The following ADGRB3 variants were observed in gnomAD, a reference collection of about 807,000 sequenced individuals.
ADGRB3 encodes adhesion G protein-coupled receptor B3, also known as brain-specific angiogenesis inhibitor 3.
A neutral mutation model predicts 193.4 loss-of-function variants in ADGRB3; 37 were observed. That is an observed-to-expected ratio of 0.19 (90% CI 0.15 to 0.25). ADGRB3 has a LOEUF of 0.25. ADGRB3 is among the 10% of genes least tolerant of loss of function. The pLI, the probability that ADGRB3 is intolerant of heterozygous loss-of-function variation, is 1.00. For synonymous variants in ADGRB3, 690 were observed against 644.2 expected (o/e 1.07, Z -1.08); for missense variants, 1,637 against 1,852.9 (o/e 0.88, Z 2.14).
intron 17 of ADGRB3, among the ~76,000 whole-genome samples, chr6:69,114,933 A>T (rs981754690): frequency 2.6e-5 from 4 of 152,218 alleles, no homozygotes; most frequent in African/African-American, 9.6e-5. Flanking sequence ...ATCATTAAAA[A>T]GTCAAGAAAC....
chr6:69,348,553 C>T (rs990309549), intron 26 of ADGRB3, among the ~76,000 whole-genome samples: 4 of 150,618 alleles, frequency 2.7e-5, no homozygotes, highest in Non-Finnish European at 5.9e-5. Flanking sequence ...GTCCCAGCTA[C>T]TCATGAGGCT....
chr6:68,690,963 C>A (rs1379915221), intron 3 of ADGRB3, among the ~76,000 whole-genome samples: 2 of 152,036 alleles, frequency 1.3e-5, no homozygotes, highest in East Asian at 3.8e-4. Flanking sequence ...TTCATTAAAT[C>A]GGGCCAGTAT....
chr6:68,779,349 T>G (rs186189936), intron 3 of ADGRB3, among the ~76,000 whole-genome samples: 1 of 151,110 alleles, frequency 6.6e-6, no homozygotes, highest in Non-Finnish European at 1.5e-5. Flanking sequence ...TCCCCCCTCA[T>G]TCTCCCCACA....
At chr6:68,779,919 T>C (rs9454617) in intron 3 of ADGRB3, among the ~76,000 whole-genome samples, 25,963 of 152,108 alleles carry the variant, frequency 0.17, 2,703 homozygotes, top group African/African-American at 0.29. Context: ...GAAACACTTT[T>C]TTTATCCTAC....
At chr6:69,331,911 T>A in intron 23 of ADGRB3, 5 of 985,362 alleles carry the variant, frequency 5.1e-6, no homozygotes, top group Non-Finnish European at 6.0e-6. Context: ...TGGTATCTTG[T>A]CAGGAAACTA....
intron 3 of ADGRB3, among the ~76,000 whole-genome samples, chr6:68,899,712 T>C (rs540803308): frequency 5.9e-5 from 9 of 152,198 alleles, no homozygotes; most frequent in South Asian, 2.1e-4. Flanking sequence ...GTTGTTATCA[T>C]ATTTATATAC....
chr6:69,082,897 T>C (rs373164637), intron 17 of ADGRB3, among the ~76,000 whole-genome samples: 5 of 152,316 alleles, frequency 3.3e-5, no homozygotes, highest in African/African-American at 1.2e-4. Context: ...AGTGCATTCC[T>C]CCAAAAACAA....
intron 5 of ADGRB3, among the ~76,000 whole-genome samples, chr6:68,941,596 G>A (rs1445975948): frequency 6.6e-6 from 1 of 151,888 alleles, no homozygotes; most frequent in African/African-American, 2.4e-5. Context: ...ATGAGCGGAA[G>A]CAGCAATATG....
At chr6:68,938,364 G>A (rs1296250397) in intron 5 of ADGRB3, among the ~76,000 whole-genome samples, 2 of 150,242 alleles carry the variant, frequency 1.3e-5, no homozygotes, top group Admixed American at 6.7e-5. Context: ...AAGGACCAGG[G>A]GATTCTATTT....
At chr6:69,286,704 G>A (rs899051040) in intron 20 of ADGRB3, among the ~76,000 whole-genome samples, 1 of 152,100 alleles carries the variant, frequency 6.6e-6, no homozygotes, top group African/African-American at 2.4e-5. Context: ...AAATAATATG[G>A]TGTTTTAAAA....
chr6:68,826,683 C>T (rs1413435846), intron 3 of ADGRB3, among the ~76,000 whole-genome samples: 1 of 152,076 alleles, frequency 6.6e-6, no homozygotes, highest in Non-Finnish European at 1.5e-5. Context: ...ACCTAGATGA[C>T]AAAGGGTAGT....
intron 3 of ADGRB3, among the ~76,000 whole-genome samples, chr6:68,903,720 A>C (rs530287186): frequency 7.0e-4 from 107 of 151,982 alleles, no homozygotes; most frequent in Non-Finnish European, 1.4e-3. Flanking sequence ...CCTTAAGAGA[A>C]AATGGGGCCA....
intron 8 of ADGRB3, among the ~76,000 whole-genome samples, chr6:68,973,687 C>T (rs1228987887): frequency 6.6e-6 from 1 of 151,834 alleles, no homozygotes; most frequent in Non-Finnish European, 1.5e-5. Flanking sequence ...GCAAACACAC[C>T]ATTAGGTACA....
At chr6:69,125,312 C>T (rs540678789) in intron 17 of ADGRB3, among the ~76,000 whole-genome samples, 6 of 152,272 alleles carry the variant, frequency 3.9e-5, no homozygotes, top group South Asian at 2.1e-4. Context: ...GGAGATTTCT[C>T]GGGCTTTAAC....
At chr6:68,909,796 C>T (rs530893004) in intron 3 of ADGRB3, among the ~76,000 whole-genome samples, 172 of 152,196 alleles carry the variant, frequency 1.1e-3, no homozygotes, top group African/African-American at 4.0e-3. Context: ...AAAGGGTAAC[C>T]CAGTCTATCA....
At chr6:69,126,295 G>C (rs907650909) in intron 17 of ADGRB3, among the ~76,000 whole-genome samples, 1 of 151,938 alleles carries the variant, frequency 6.6e-6, no homozygotes, top group Non-Finnish European at 1.5e-5. Flanking sequence ...AAAGACATAT[G>C]AGAGGAGATT....
chr6:69,283,314 C>G (rs1767476312), intron 20 of ADGRB3, among the ~76,000 whole-genome samples: 1 of 152,122 alleles, frequency 6.6e-6, no homozygotes, highest in African/African-American at 2.4e-5. Context: ...CATGATACCC[C>G]AGAGAGCAGC....
intron 3 of ADGRB3, among the ~76,000 whole-genome samples, chr6:68,884,577 G>A (rs1390148476): frequency 5.3e-5 from 8 of 152,092 alleles, no homozygotes. Context: ...TTTAGGACAT[G>A]GTCTGAGATG....
chr6:69,262,062 A>G (rs1290355187), intron 20 of ADGRB3, among the ~76,000 whole-genome samples: 1 of 152,042 alleles, frequency 6.6e-6, no homozygotes, highest in Non-Finnish European at 1.5e-5. Context: ...ATCTTAATGT[A>G]TCATAAAGGA....
Sources: gnomAD v4.1 joint callset for allele counts (sites outside exome capture counted in the v4.1 genomes callset) on GRCh38, gnomAD v4.1.1 for gene constraint, MANE v1.5 for transcripts, NCBI Gene and HGNC (gene_info 2026-07-23, HGNC 2026-07-21) for gene names.